Variants in STIM1 observed in about 807,000 individuals in gnomAD.
The protein encoded by STIM1 is stromal interaction molecule 1.
STIM1 carries 25 observed loss-of-function variants against 74.7 expected under a neutral mutation model. The ratio of observed to expected loss-of-function variants is 0.33; its 90% CI spans 0.24 to 0.47. STIM1 has a LOEUF of 0.47. Among genes scored for constraint, STIM1 ranks in the 20% least tolerant of loss-of-function variants. The probability of loss-of-function intolerance (pLI) is 1.00; values close to 1 mark genes in which losing one functional copy is unlikely to be tolerated. For synonymous variants in STIM1, 328 were observed against 348.8 expected, an observed-to-expected ratio of 0.94 and a Z score of 0.66; for missense variants, 728 against 920.8, an observed-to-expected ratio of 0.79 and a Z score of 2.71.
chr11:4,058,833 T>A, intron 4 of STIM1: 1 of 1,018,378 alleles, frequency 9.8e-7, no homozygotes, highest in Non-Finnish European at 1.2e-6. Flanking sequence ...CAGGTTTATA[T>A]ATAATGACAG....
At chr11:3,943,861 T>C (rs1349529614) in intron 1 of STIM1, among the ~76,000 whole-genome samples, 1 of 152,250 alleles carries the variant, frequency 6.6e-6, no homozygotes, top group African/African-American at 2.4e-5. Context: ...TCACTATGAC[T>C]TAAAGAAAAC....
intron 3 of STIM1, among the ~76,000 whole-genome samples, chr11:4,029,185 G>A (rs924778070): frequency 3.3e-5 from 5 of 151,972 alleles, no homozygotes; most frequent in Admixed American, 6.6e-5. Context: ...GCGAAACTCC[G>A]TCTCAAAAAA....
At chr11:3,911,162 C>T (rs1015613861) in intron 1 of STIM1, among the ~76,000 whole-genome samples, 1 of 152,164 alleles carries the variant, frequency 6.6e-6, no homozygotes, top group African/African-American at 2.4e-5. Context: ...GACTCCAAAG[C>T]ATGTGTCCTT....
At chr11:3,918,091 T>C (rs2092671693) in intron 1 of STIM1, among the ~76,000 whole-genome samples, 1 of 152,198 alleles carries the variant, frequency 6.6e-6, no homozygotes, top group Non-Finnish European at 1.5e-5. Flanking sequence ...AGGTAAATTA[T>C]GTCATTAGGA....
At chr11:3,910,008 C>T (rs116313493) in intron 1 of STIM1, among the ~76,000 whole-genome samples, 131 of 151,992 alleles carry the variant, frequency 8.6e-4, no homozygotes, top group African/African-American at 3.1e-3. Flanking sequence ...CAAAATCATT[C>T]CCAGGGTGAA....
At chr11:3,873,478 G>C (rs1249885228) in intron 1 of STIM1, among the ~76,000 whole-genome samples, 1 of 151,198 alleles carries the variant, frequency 6.6e-6, no homozygotes, top group Admixed American at 6.6e-5. Flanking sequence ...ATTTGCCCAG[G>C]CTGTTCTTGA....
chr11:3,909,464 C>T (rs921993067), intron 1 of STIM1, among the ~76,000 whole-genome samples: 5 of 152,030 alleles, frequency 3.3e-5, no homozygotes, highest in Non-Finnish European at 5.9e-5. Flanking sequence ...GAAGCAGAAG[C>T]AGATATATTC....
At chr11:4,036,147 G>A (rs1354163335) in intron 3 of STIM1, among the ~76,000 whole-genome samples, 1 of 152,162 alleles carries the variant, frequency 6.6e-6, no homozygotes, top group African/African-American at 2.4e-5. Flanking sequence ...GAGGATAACA[G>A]CTTCCAACTC....
At chr11:4,006,693 T>C (rs1202431666) in intron 2 of STIM1, among the ~76,000 whole-genome samples, 1 of 152,118 alleles carries the variant, frequency 6.6e-6, no homozygotes, top group East Asian at 1.9e-4. Flanking sequence ...GGATTACAGG[T>C]GTGAGCCACT....
chr11:3,875,059 T>C (rs1295772406), intron 1 of STIM1, among the ~76,000 whole-genome samples: 3 of 152,154 alleles, frequency 2.0e-5, no homozygotes, highest in Non-Finnish European at 4.4e-5. Flanking sequence ...CCTACAGAGC[T>C]AGGCTTAATG....
In STIM1 at chr11:4,009,080, A is replaced by G. The variant is rs565359331; in HGVS notation, c.271-14793A>G. Reference sequence around the variant, plus strand: ...GCCGAGGCGGGCAGATCACGAGGTCAGGAGATCGAGACCATTCTGGCTAAC... The same window carrying G: ...GCCGAGGCGGGCAGATCACGAGGTCGGGAGATCGAGACCATTCTGGCTAAC... On this transcript the variant is annotated intron_variant, in intron 2 of 12. Coordinates refer to ENST00000526596, the MANE Select transcript of STIM1 (RefSeq NM_001382567.1). 4.3e-3 allele frequency among the ~76,000 whole-genome samples: 611 copies of G among 143,646 alleles called. 1 individual carries two copies. Among genetic ancestry groups the G allele is most frequent in the Non-Finnish European group, 6.1e-3 (401 of 66,018 alleles). 94.2% of individuals were successfully genotyped at this position (143,646 alleles called of 152,430 possible).
At position 3,932,362 on chromosome 11, in the gene STIM1, TAGAAA is replaced by T. The variant is rs145634066; in HGVS notation, c.140-35186_140-35182del. ...CCCTCTTGAATGGAATTAGTGCCCT[TAGAAA>T]AGAGACCCCAGAGGGCTGGGTGTGG... is the stretch of plus-strand genomic sequence containing the variant. On this transcript the variant is annotated intron_variant, in intron 1 of 12. Coordinates refer to ENST00000526596, the MANE Select transcript of STIM1 (RefSeq NM_001382567.1). Among the ~76,000 whole-genome samples, 549 of 152,222 alleles carry T rather than the reference TAGAAA, an allele frequency of 3.6e-3. 4 individuals carry two copies. The South Asian group carries it at 0.039, about 11-fold the overall frequency.
chr11:3,996,690 C>G (rs571809300), intron 2 of STIM1, among the ~76,000 whole-genome samples: 2 of 152,294 alleles, frequency 1.3e-5, no homozygotes, highest in African/African-American at 4.8e-5. Context: ...TTTTCTTGAG[C>G]ATATGTTTCT....
intron 2 of STIM1, chr11:3,989,242 T>C: frequency 3.5e-6 from 3 of 866,138 alleles, no homozygotes. Context: ...TGCAGGTAAA[T>C]GTTCTTTAGT....
rs116009582 is a variant in STIM1, at chr11:3,985,717, A to C, written c.270+18035A>C. The stretch of plus-strand genomic sequence containing the variant: ...AGAAAAGCCATGCTTCAGAAATTAA[A>C]AACTTCTGACTCTTCCTGTCTAAGG... On this transcript the variant is annotated intron_variant, in intron 2 of 12. Coordinates refer to ENST00000526596, the MANE Select transcript of STIM1 (RefSeq NM_001382567.1). Among the ~76,000 whole-genome samples the C allele has an allele frequency of 9.4e-3, 1,433 of 152,300 alleles. 26 individuals carry two copies. The highest frequency in any genetic ancestry group is 0.033 in the African/African-American group (1,355 of 41,562).
intron 1 of STIM1, among the ~76,000 whole-genome samples, chr11:3,945,836 G>A (rs1324662544): frequency 1.3e-5 from 2 of 152,116 alleles, no homozygotes; most frequent in Non-Finnish European, 2.9e-5. Context: ...CATGGTGCTG[G>A]CAACTGCTTA....
intron 2 of STIM1, among the ~76,000 whole-genome samples, chr11:3,994,534 C>T (rs973588125): frequency 9.3e-5 from 14 of 150,154 alleles, no homozygotes; most frequent in Admixed American, 6.7e-4. Flanking sequence ...AATCTCAGCT[C>T]ACTCCAATCT....
intron 2 of STIM1, chr11:3,999,610 C>T (rs55687658): frequency 0.012 from 1,886 of 153,706 alleles, 39 homozygotes; most frequent in African/African-American, 0.043. Context: ...CCAAGATGGC[C>T]GAATAGGAAG....
chr11:3,882,475 G>T (rs1208954161), intron 1 of STIM1, among the ~76,000 whole-genome samples: 1 of 152,082 alleles, frequency 6.6e-6, no homozygotes, highest in Admixed American at 6.6e-5. Context: ...TCATCCACAC[G>T]TGGGCAATTT....
Sources: allele counts gnomAD v4.1 joint callset (sites outside exome capture counted in the v4.1 genomes callset), GRCh38; gene constraint gnomAD v4.1.1; transcripts MANE v1.5; gene names NCBI Gene and HGNC (gene_info 2026-07-23, HGNC 2026-07-21).